PIAS2: variants seen among roughly 807,000 people sequenced by gnomAD.
The protein encoded by PIAS2 is E3 SUMO-protein ligase PIAS2.
A neutral mutation model predicts 69.7 loss-of-function variants in PIAS2; 19 were observed. The ratio of observed to expected loss-of-function variants is 0.27; its 90% CI spans 0.19 to 0.40. The LOEUF (loss-of-function observed/expected upper bound fraction) is 0.40. Among genes scored for constraint, PIAS2 ranks in the 10% least tolerant of loss-of-function variants. The pLI is 1.00. For synonymous variants in PIAS2, 261 were observed against 263.2 expected (o/e 0.99, Z 0.08); for missense variants, 624 against 757.0 (o/e 0.82, Z 2.06).
intron 2 of PIAS2, among the ~76,000 whole-genome samples, chr18:46,889,301 AC>A (rs2053695013): frequency 6.6e-6 from 1 of 152,194 alleles, no homozygotes. Context: ...AAAAAGGCAA[AC>A]CACAGAGTGG....
Position 46,843,987 on chromosome 18 carries a change from C to T in PIAS2, c.1041+67G>A, listed in dbSNP as rs987678133. On this transcript the variant is annotated intron_variant, in intron 8 of 13. Coordinates refer to ENST00000585916, the MANE Select transcript of PIAS2 (RefSeq NM_004671.5). ...AATATATCATTCATTCCCACACTTA[C>T]TTTTATAGGAAAGTTAATCATTTAT... The T allele has an allele frequency of 5.4e-6, 5 of 918,504 alleles. No homozygotes were observed. In the African/African-American group the frequency reaches 6.9e-5, roughly 13 times the overall value. The allele number at this position is 918,504 out of a possible 1,614,324, so 56.9% of individuals were successfully genotyped here.
chr18:46,859,057 A>G (rs2048261841), intron 3 of PIAS2, among the ~76,000 whole-genome samples: 1 of 152,170 alleles, frequency 6.6e-6, no homozygotes, highest in South Asian at 2.1e-4. Context: ...TATACTTAGT[A>G]TTACTCTAAA....
Position 46,812,357 on chromosome 18 carries a change from A to T in PIAS2, c.*76T>A. The stretch of plus-strand genomic sequence containing the variant: ...CCAAATTATTAAAAAAAAAAAAAAA[A>T]GAACGTTTCCACAGACTAGAGATCC... On this transcript the variant is annotated 3_prime_UTR_variant, in exon 14 of 14. Transcript: ENST00000585916. 1 of 798,304 alleles carries T rather than the reference A, an allele frequency of 1.3e-6. No individual in the cohort carries two copies. Among genetic ancestry groups the T allele is most frequent in the Non-Finnish European group, 1.9e-6 (1 of 527,098 alleles). The allele number at this position is 798,304 out of a possible 1,614,324, so 49.5% of individuals were successfully genotyped here.
chr18:46,807,778 A>C lies in PIAS2; in HGVS notation c.*4655T>G, dbSNP rs1296732935. 6.6e-6 allele frequency: 1 copy of C among 152,206 alleles called. No homozygotes were observed. The highest frequency in any genetic ancestry group is 1.5e-5 in the Non-Finnish European group (1 of 68,038). 9.4% of individuals were successfully genotyped at this position (152,206 alleles called of 1,614,324 possible). On this transcript the variant is annotated 3_prime_UTR_variant, in exon 14 of 14. Transcript: ENST00000585916. Reference sequence around the variant, plus strand: ...CATATCAGTTAACCCCGTTCCATAGAGTCAGAAAGGCAGAGGGTCTTAGTG... The same window carrying C: ...CATATCAGTTAACCCCGTTCCATAGCGTCAGAAAGGCAGAGGGTCTTAGTG...
At chr18:46,920,052 A>C (rs1424595419), upstream of PIAS2, 3 of 1,289,234 alleles carry the variant, frequency 2.3e-6, no homozygotes, top group African/African-American at 4.6e-5. Context: ...GCCCCACTGA[A>C]ACTTACGTGC....
chr18:46,914,525 C>T (rs1428217151), intron 1 of PIAS2, among the ~76,000 whole-genome samples: 1 of 152,036 alleles, frequency 6.6e-6, no homozygotes, highest in African/African-American at 2.4e-5. Context: ...TCAGGCGACC[C>T]CCTTAACAGT....
chr18:46,849,344 T>C (rs907364512), intron 5 of PIAS2, among the ~76,000 whole-genome samples: 3 of 152,218 alleles, frequency 2.0e-5, no homozygotes, highest in Non-Finnish European at 2.9e-5. Flanking sequence ...GCACCACCCC[T>C]ACCCAACCAT....
At chr18:46,883,925 T>C (rs1256260611) in intron 2 of PIAS2, among the ~76,000 whole-genome samples, 2 of 152,148 alleles carry the variant, frequency 1.3e-5, no homozygotes, top group Admixed American at 6.5e-5. Flanking sequence ...GGAGGATCAC[T>C]TGAACCTGAG....
intron 3 of PIAS2, among the ~76,000 whole-genome samples, chr18:46,856,280 A>G (rs985493318): frequency 1.1e-4 from 16 of 152,078 alleles, no homozygotes; most frequent in East Asian, 7.7e-4. Flanking sequence ...CATTACAGGC[A>G]TGAGACACTG....
At chr18:46,919,643 T>C (rs2058415922), upstream of PIAS2, among the ~76,000 whole-genome samples, 2 of 152,166 alleles carry the variant, frequency 1.3e-5, no homozygotes, top group African/African-American at 2.4e-5. Flanking sequence ...AGTGAGACTT[T>C]GTCTCAAAAA....
chr18:46,907,022 C>G (rs1011619182), intron 1 of PIAS2, among the ~76,000 whole-genome samples: 2 of 151,966 alleles, frequency 1.3e-5, no homozygotes, highest in East Asian at 3.9e-4. Context: ...CCTGAGACAC[C>G]AAGACTCTGA....
chr18:46,906,543 T>C (rs921057054), intron 1 of PIAS2, among the ~76,000 whole-genome samples: 6 of 152,292 alleles, frequency 3.9e-5, no homozygotes, highest in Middle Eastern at 6.8e-3. Flanking sequence ...TTAATATTTA[T>C]GATTTGCTAT....
intron 1 of PIAS2, among the ~76,000 whole-genome samples, chr18:46,898,309 G>A (rs1354009128): frequency 1.3e-5 from 2 of 151,782 alleles, no homozygotes; most frequent in Non-Finnish European, 2.9e-5. Flanking sequence ...CACCACACCT[G>A]GCTAAATTTT....
intron 12 of PIAS2, chr18:46,818,389 A>G: frequency 6.3e-7 from 1 of 1,579,690 alleles, no homozygotes; most frequent in South Asian, 1.2e-5. Context: ...ACTGTTGCAC[A>G]GTATCAGAAG....
intron 11 of PIAS2, 146 bp downstream of exon 11, chr18:46,827,813 C>T: frequency 1.6e-6 from 1 of 633,910 alleles, no homozygotes; most frequent in South Asian, 3.4e-5. Context: ...AAACAATGTG[C>T]TTACTCGAAA....
intron 2 of PIAS2, among the ~76,000 whole-genome samples, chr18:46,887,065 C>G (rs970883395): frequency 2.0e-5 from 3 of 152,066 alleles, no homozygotes; most frequent in African/African-American, 7.2e-5. Context: ...AATATGTTAT[C>G]AAGAGTCTAA....
chr18:46,845,537 G>A (rs1372791914), intron 6 of PIAS2, among the ~76,000 whole-genome samples: 3 of 151,656 alleles, frequency 2.0e-5, no homozygotes, highest in Non-Finnish European at 2.9e-5. Context: ...AAACAACAGC[G>A]TCCAATCCCA....
intron 1 of PIAS2, among the ~76,000 whole-genome samples, chr18:46,896,100 C>A (rs1256855112): frequency 1.6e-5 from 1 of 64,058 alleles, no homozygotes; most frequent in Non-Finnish European, 3.1e-5. Context: ...ATTAAGGAAG[C>A]AAAAAAGTAA....
intron 2 of PIAS2, among the ~76,000 whole-genome samples, chr18:46,869,258 A>AG (rs1444427020): frequency 6.6e-6 from 1 of 152,204 alleles, no homozygotes; most frequent in African/African-American, 2.4e-5. Context: ...CCTCCAGTAG[A>AG]GGGGGGTTAA....
Sources: allele counts gnomAD v4.1 joint callset (sites outside exome capture counted in the v4.1 genomes callset), GRCh38; gene constraint gnomAD v4.1.1; transcripts MANE v1.5; gene names NCBI Gene and HGNC (gene_info 2026-07-23, HGNC 2026-07-21).